Variants in IFT80 observed in about 807,000 individuals in gnomAD.
IFT80 encodes the protein intraflagellar transport protein 80 homolog.
IFT80 carries 79 observed loss-of-function variants against 107.9 expected under a neutral mutation model. That is an observed-to-expected ratio of 0.73 (90% CI 0.61 to 0.88). The LOEUF is 0.88. IFT80 is among the 40% of genes least tolerant of loss of function. IFT80 has a pLI of 0.00. For missense variants in IFT80, 797 were observed against 914.2 expected, an observed-to-expected ratio of 0.87 and a Z score of 1.65; for synonymous variants, 299 against 300.9, an observed-to-expected ratio of 0.99 and a Z score of 0.07.
At chr3:160,388,494 C>T (rs1233469204) in intron 1 of IFT80, among the ~76,000 whole-genome samples, 2 of 150,704 alleles carry the variant, frequency 1.3e-5, no homozygotes, top group African/African-American at 2.4e-5. Context: ...ACATCATGAC[C>T]GTGGTAGGCA....
chr3:160,394,015 G>A (rs1713578346), intron 1 of IFT80: 1 of 152,186 alleles, frequency 6.6e-6, no homozygotes, highest in African/African-American at 2.4e-5. Flanking sequence ...GCTCTGACCA[G>A]ACTCCTGTGT....
chr3:160,291,160 G>A (rs188402038), intron 12 of IFT80, among the ~76,000 whole-genome samples: 3 of 152,296 alleles, frequency 2.0e-5, no homozygotes, highest in Admixed American at 1.3e-4. Flanking sequence ...ACACCTCTCA[G>A]TGAAAATTAC....
chr3:160,378,786 C>CA (rs1328788278), intron 3 of IFT80, among the ~76,000 whole-genome samples: 6 of 151,468 alleles, frequency 4.0e-5, no homozygotes, highest in Admixed American at 6.6e-5. Context: ...AATCTGACCC[C>CA]AAAAAAACAA....
intron 19 of IFT80, among the ~76,000 whole-genome samples, chr3:160,264,599 CTTTTT>C (rs567273435): frequency 1.6e-5 from 2 of 125,246 alleles, no homozygotes. Flanking sequence ...GTCCAGCTAA[CTTTTT>C]TTTTTTTTTT....
In IFT80 at chr3:160,352,285, C is replaced by T. The variant is rs558315930; in HGVS notation, c.777+3728G>A. Among the ~76,000 whole-genome samples, 23 of 152,288 alleles carry T rather than the reference C, an allele frequency of 1.5e-4. No homozygotes were observed. The South Asian group carries it at 3.5e-3, about 23-fold the overall frequency. ...CTGGGATTACAGGCGTGAGCCACCA[C>T]GCCCGGCCCCCAACAGTAATTTTAA... is the stretch of plus-strand genomic sequence containing the variant. On this transcript the variant is annotated intron_variant, in intron 8 of 19. Coordinates refer to ENST00000326448, the MANE Select transcript of IFT80 (RefSeq NM_020800.3).
chr3:160,313,077 T>TAA (rs1383821680), intron 9 of IFT80, among the ~76,000 whole-genome samples: 3 of 107,708 alleles, frequency 2.8e-5, no homozygotes, highest in Non-Finnish European at 5.3e-5. Flanking sequence ...TATATATATT[T>TAA]TATATAATAT....
chr3:160,314,275 T>C (rs995373884), intron 9 of IFT80, among the ~76,000 whole-genome samples: 2 of 152,216 alleles, frequency 1.3e-5, no homozygotes, highest in South Asian at 2.1e-4. Flanking sequence ...AAAGTTAGAG[T>C]GGCAGGAGAG....
At chr3:160,279,576 T>C (rs888954192) in intron 15 of IFT80, among the ~76,000 whole-genome samples, 3 of 152,244 alleles carry the variant, frequency 2.0e-5, no homozygotes, top group East Asian at 3.8e-4. Flanking sequence ...GGAATTAACT[T>C]TGAATGTAAA....
chr3:160,378,216 C>A (rs1712183302), intron 3 of IFT80, among the ~76,000 whole-genome samples: 2 of 150,480 alleles, frequency 1.3e-5, no homozygotes, highest in Non-Finnish European at 3.0e-5. Context: ...TCCTTTATAC[C>A]TTTTCCAGCT....
At chr3:160,394,009 T>C (rs2108424325) in intron 1 of IFT80, 1 of 152,336 alleles carries the variant, frequency 6.6e-6, no homozygotes, top group Non-Finnish European at 1.5e-5. Flanking sequence ...TTGATAGCTC[T>C]GACCAGACTC....
intron 18 of IFT80, among the ~76,000 whole-genome samples, chr3:160,271,450 A>G (rs1713799647): frequency 6.6e-6 from 1 of 152,204 alleles, no homozygotes; most frequent in Non-Finnish European, 1.5e-5. Flanking sequence ...ATTAATATGC[A>G]CATAAAGGAT....
At chr3:160,365,906 TA>T in intron 6 of IFT80, 136 bp downstream of exon 6, 2 of 715,440 alleles carry the variant, frequency 2.8e-6, no homozygotes, top group Admixed American at 2.1e-5. Context: ...TGTTCTGTAA[TA>T]AAGGCTGATT....
At chr3:160,387,240 T>G (rs1365837217) in intron 1 of IFT80, among the ~76,000 whole-genome samples, 6 of 152,174 alleles carry the variant, frequency 3.9e-5, no homozygotes, top group Non-Finnish European at 4.4e-5. Context: ...GTGCGGTGGC[T>G]CACGCCTGTA....
Position 160,346,448 on chromosome 3 carries a change from A to C in IFT80, c.777+9565T>G, listed in dbSNP as rs540660058. ...TTGTGTAATAAGTCCAATGCTGGGC[A>C]TTCTCAGGGATGGTTTCTATTAATT... On this transcript the variant is annotated intron_variant, in intron 8 of 19. Transcript: ENST00000326448. Among the ~76,000 whole-genome samples the C allele has an allele frequency of 1.2e-4, 18 of 152,320 alleles. No homozygotes were observed. In the South Asian group the frequency reaches 3.5e-3, roughly 30 times the overall value.
At chr3:160,259,423 G>A (rs1185633485) in intron 19 of IFT80, among the ~76,000 whole-genome samples, 1 of 152,238 alleles carries the variant, frequency 6.6e-6, no homozygotes, top group Non-Finnish European at 1.5e-5. Context: ...TCCACTGGAA[G>A]CCTAGTTATG....
At chr3:160,333,095 G>A (rs1719201853) in intron 8 of IFT80, among the ~76,000 whole-genome samples, 1 of 152,154 alleles carries the variant, frequency 6.6e-6, no homozygotes, top group Non-Finnish European at 1.5e-5. Context: ...ATAGGAAACT[G>A]TCACACAACG....
In IFT80 at chr3:160,370,375, AT is replaced by A. The variant is rs200660321; in HGVS notation, c.440-4224del. On this transcript the variant is annotated intron_variant, in intron 5 of 19. Coordinates refer to ENST00000326448, the MANE Select transcript of IFT80 (RefSeq NM_020800.3). ...TATTGTTCATAGTAGTAGCCATTTG[AT>A]TTTTTTTTTTTTCTGTTTTGGCCAA... 3.5e-3 allele frequency among the ~76,000 whole-genome samples: 508 copies of A among 146,612 alleles called. 1 individual carries two copies. The highest frequency in any genetic ancestry group is 4.1e-3 in the South Asian group (19 of 4,650).
At chr3:160,380,241 T>C (rs150716037) in intron 3 of IFT80, among the ~76,000 whole-genome samples, 272 of 152,176 alleles carry the variant, frequency 1.8e-3, no homozygotes, top group African/African-American at 6.2e-3. Flanking sequence ...TTCATCATGT[T>C]GCTCAGGCTG....
rs572039273 is a variant in IFT80, at chr3:160,265,796, G to T, written c.2223+2617C>A. ...CATTGTGAGCCCACCAAAATCACCA[G>T]ATATCTAGAATAAATTTCTCAATGT... is the stretch of plus-strand genomic sequence containing the variant. On this transcript the variant is annotated intron_variant, in intron 19 of 19. Coordinates refer to ENST00000326448, the MANE Select transcript of IFT80 (RefSeq NM_020800.3). Among the ~76,000 whole-genome samples the T allele has an allele frequency of 1.2e-4, 19 of 152,142 alleles. No individual in the cohort carries two copies. The South Asian group carries it at 3.5e-3, about 28-fold the overall frequency.
Sources: gnomAD v4.1 joint callset for allele counts (sites outside exome capture counted in the v4.1 genomes callset) on GRCh38, gnomAD v4.1.1 for gene constraint, MANE v1.5 for transcripts, NCBI Gene and HGNC (gene_info 2026-07-23, HGNC 2026-07-21) for gene names.